Variants in TEX2 observed in about 807,000 individuals in gnomAD.
The protein encoded by TEX2 is testis-expressed protein 2.
In TEX2, 53 loss-of-function variants were observed where a neutral mutation model predicts 106.9. The ratio of observed to expected loss-of-function variants is 0.50; its 90% CI spans 0.40 to 0.62. TEX2 has a LOEUF of 0.62. Ranked by LOEUF, TEX2 falls within the 20% of genes least tolerant of loss-of-function variation. The pLI is 0.00. For missense variants in TEX2, 1,207 were observed against 1,379.0 expected, an observed-to-expected ratio of 0.88 and a Z score of 1.98; for synonymous variants, 523 against 534.8, an observed-to-expected ratio of 0.98 and a Z score of 0.30.
chr17:64,180,560 C>T (rs185438441), intron 5 of TEX2, among the ~76,000 whole-genome samples: 7 of 152,286 alleles, frequency 4.6e-5, no homozygotes, highest in African/African-American at 1.4e-4. Context: ...GAAGGCCCAA[C>T]GAATGTCATA....
intron 1 of TEX2, among the ~76,000 whole-genome samples, chr17:64,252,028 G>T (rs1339425998): frequency 2.0e-5 from 3 of 152,142 alleles, no homozygotes; most frequent in Non-Finnish European, 4.4e-5. Flanking sequence ...GCTGTATATG[G>T]AATACTCCAA....
intron 1 of TEX2, among the ~76,000 whole-genome samples, chr17:64,252,875 TG>T (rs1170283401): frequency 6.6e-6 from 1 of 150,994 alleles, no homozygotes; most frequent in Non-Finnish European, 1.5e-5. Context: ...CAAGAGAAAA[TG>T]GGGGTGGGGG....
intron 1 of TEX2, among the ~76,000 whole-genome samples, chr17:64,243,736 T>G (rs2033934286): frequency 6.6e-6 from 1 of 152,204 alleles, no homozygotes; most frequent in Non-Finnish European, 1.5e-5. Context: ...CATGTGCGGA[T>G]TTCTGCGGAG....
chr17:64,250,090 C>T (rs1297696490), intron 1 of TEX2, among the ~76,000 whole-genome samples: 1 of 152,206 alleles, frequency 6.6e-6, no homozygotes, highest in Non-Finnish European at 1.5e-5. Context: ...CTGAGGGCAG[C>T]TCCTGCCAGG....
chr17:64,153,070 C>T lies in TEX2; in HGVS notation c.3015G>A (p.Glu1005=). ...CGATCTTCTTTTTAATAAACTCTGTCTCTGTTGCTTTTTGGAAATATTTTG... is the reference window on the plus strand; with the variant it reads ...CGATCTTCTTTTTAATAAACTCTGTTTCTGTTGCTTTTTGGAAATATTTTG... The part of the protein sequence containing the change: ...TKSKYFQKAT[E]TEFIKKKIEE... The change falls in exon 10 of 12, where the codon GAG becomes GAA. Residue 1005 remains glutamate (E), a synonymous_variant. Coordinates refer to ENST00000584379, the MANE Select transcript of TEX2 (RefSeq NM_001288732.2). The surrounding 1 kb of genome is among the most constrained non-coding windows in gnomAD (Gnocchi z 4.1). The T allele has an allele frequency of 6.2e-7, 1 of 1,614,088 alleles. No individual in the cohort carries two copies. Among genetic ancestry groups the T allele is most frequent in the Non-Finnish European group, 8.5e-7 (1 of 1,179,970 alleles).
chr17:64,179,547 C>G (rs556585022), intron 5 of TEX2, among the ~76,000 whole-genome samples: 75 of 152,260 alleles, frequency 4.9e-4, no homozygotes, highest in African/African-American at 1.6e-3. Flanking sequence ...TAACACTCAC[C>G]ATGAAGGTCC....
Position 64,212,799 on chromosome 17 carries a change from C to A in TEX2, c.1419G>T (p.Val473=), listed in dbSNP as rs782306100. 1.2e-6 allele frequency: 2 copies of A among 1,614,150 alleles called. No homozygotes were observed. The highest frequency in any genetic ancestry group is 1.7e-6 in the Non-Finnish European group (2 of 1,180,028). Residue 473 remains valine (V), a synonymous_variant, in exon 2 of 12, where the codon GTG becomes GTT. Coordinates refer to ENST00000584379, the MANE Select transcript of TEX2 (RefSeq NM_001288732.2). ...DSAVQHPELP[V]KTLGFFIMCV... is the part of the protein sequence containing the mutation. ...ACATTATAAAGAAGCCCAACGTCTT[C>A]ACTGGCAATTCCGGGTGCTGCACGG...
At chr17:64,162,357 A>G (rs1055119458) in intron 7 of TEX2, among the ~76,000 whole-genome samples, 1 of 152,218 alleles carries the variant, frequency 6.6e-6, no homozygotes, top group Non-Finnish European at 1.5e-5. Flanking sequence ...CTCAATGTAA[A>G]AGAACAACAA....
rs143334048 is a variant in TEX2 at position 64,213,979 on chromosome 17, T to G, written c.239A>C (p.Gln80Pro). ...EAKEDLYLEPQVGHDPAGPAA... is the reference protein window; with the variant it reads ...EAKEDLYLEPPVGHDPAGPAA... ...AGGGCCGGCGGGGTCATGGCCAACT[T>G]GGGGTTCAAGATAGAGGTCTTCCTT... The change falls in exon 2 of 12, where the codon CAA becomes CCA. Residue 80 changes from glutamine to proline, a missense_variant. By Grantham distance (76) the Gln-to-Pro change is moderately conservative. Coordinates refer to ENST00000584379, the MANE Select transcript of TEX2 (RefSeq NM_001288732.2). The surrounding 1 kb of genome is among the most constrained non-coding windows in gnomAD (Gnocchi z 4.4). 6.2e-5 allele frequency: 100 copies of G among 1,614,080 alleles called. No individual in the cohort carries two copies. In the African/African-American group the frequency reaches 1.1e-3, roughly 18 times the overall value.
intron 1 of TEX2, among the ~76,000 whole-genome samples, chr17:64,252,619 T>C (rs2034113197): frequency 6.6e-6 from 1 of 152,182 alleles, no homozygotes; most frequent in Non-Finnish European, 1.5e-5. Flanking sequence ...CTCAGCCATA[T>C]AACCAAGTTT....
At chr17:64,220,933 A>G (rs1347425540) in intron 1 of TEX2, among the ~76,000 whole-genome samples, 3 of 152,240 alleles carry the variant, frequency 2.0e-5, no homozygotes, top group African/African-American at 7.2e-5. Flanking sequence ...TCACAATAGT[A>G]AAGACACAGA....
intron 2 of TEX2, among the ~76,000 whole-genome samples, chr17:64,207,490 T>C (rs2032869910): frequency 6.6e-6 from 1 of 152,188 alleles, no homozygotes; most frequent in South Asian, 2.1e-4. Flanking sequence ...CTTCTGTAAA[T>C]ACCAACTAAA....
At chr17:64,184,840 ATTCT>A (rs996430175) in intron 5 of TEX2, among the ~76,000 whole-genome samples, 12 of 152,314 alleles carry the variant, frequency 7.9e-5, no homozygotes, top group African/African-American at 2.9e-4. Context: ...TGAAGAGACT[ATTCT>A]TTCTCTCCAC....
chr17:64,240,238 T>G (rs566391601), intron 1 of TEX2, among the ~76,000 whole-genome samples: 24 of 127,894 alleles, frequency 1.9e-4, no homozygotes, highest in African/African-American at 6.7e-4. Context: ...TGCAGATGTG[T>G]GTGTGTGTGT....
chr17:64,214,117 A>C lies in TEX2; in HGVS notation c.101T>G (p.Ile34Ser), dbSNP rs782568746. 6.2e-7 allele frequency: 1 copy of C among 1,613,882 alleles called. No individual in the cohort carries two copies. The highest frequency in any genetic ancestry group is 8.5e-7 in the Non-Finnish European group (1 of 1,180,028). Residue 34 changes from isoleucine (I) to serine (S), a missense_variant, in exon 2 of 12, where the codon ATC becomes AGC. Physicochemically the swap from Ile to Ser is moderately radical, Grantham distance 142. Around this residue, in one of 3 missense-constraint regions of TEX2, gnomAD observed 1,067 missense variants for 1,193.6 expected, o/e 0.89. Coordinates refer to ENST00000584379, the MANE Select transcript of TEX2 (RefSeq NM_001288732.2). ...GCCGGATGCCGAGAAGTGAATGGCG[A>C]TGGTATCTCGGGACACGGACCTCTG... is the stretch of plus-strand genomic sequence containing the variant. ...HVQRSVSRDT[I>S]AIHFSASGEE... is the part of the protein sequence containing the mutation.
Position 64,177,419 on chromosome 17 carries a change from G to A in TEX2, c.2477C>T (p.Ala826Val), listed in dbSNP as rs760459775. ...EEEEQEAWVN[A>V]LLGRIFWDFL... ...GTCCCAAAATATTCTTCCAAGCAAG[G>A]CATTCACCCAGGCTTCCTGTTCTTC... Residue 826 changes from alanine to valine, a missense_variant, in exon 6 of 12, where the codon GCC (alanine) becomes GTC (valine). By Grantham distance (64) the Ala-to-Val change is moderately conservative. Transcript: ENST00000584379. 2 of 1,614,166 alleles carry A rather than the reference G, an allele frequency of 1.2e-6. No homozygotes were observed. Among genetic ancestry groups the A allele is most frequent in the South Asian group, 2.2e-5 (2 of 91,080 alleles).
chr17:64,192,442 G>T (rs2032333356), intron 4 of TEX2, among the ~76,000 whole-genome samples: 2 of 152,204 alleles, frequency 1.3e-5, no homozygotes. Context: ...ACCAGAAGCT[G>T]CAAACACGCA....
chr17:64,191,817 CAAAAAAAAAAA>C (rs58376086), intron 4 of TEX2, among the ~76,000 whole-genome samples: 75,429 of 121,102 alleles, frequency 0.62, 22,552 homozygotes, highest in East Asian at 0.84. Flanking sequence ...GACTCCATCT[CAAAAAAAAAAA>C]AAAAAAAAAA....
At chr17:64,166,494 G>A (rs190340133) in intron 7 of TEX2, among the ~76,000 whole-genome samples, 1 of 152,318 alleles carries the variant, frequency 6.6e-6, no homozygotes, top group Admixed American at 6.5e-5. Context: ...GCTGACCCGG[G>A]CAAGTCACCC....
Sources: allele counts gnomAD v4.1 joint callset (sites outside exome capture counted in the v4.1 genomes callset), GRCh38; gene constraint gnomAD v4.1.1; regional missense constraint gnomAD v4.1.1; non-coding constraint Gnocchi (gnomAD v3.1); transcripts MANE v1.5; gene names NCBI Gene and HGNC (gene_info 2026-07-23, HGNC 2026-07-21).